Variants in DLGAP1 observed in about 807,000 individuals in gnomAD.
DLGAP1 encodes the protein disks large-associated protein 1.
In DLGAP1, 11 loss-of-function variants were observed where a neutral mutation model predicts 90.8. That is an observed-to-expected ratio of 0.12 (90% CI 0.08 to 0.20). The LOEUF (loss-of-function observed/expected upper bound fraction) is 0.20. Ranked by LOEUF, DLGAP1 falls within the 10% of genes least tolerant of loss-of-function variation. The probability of loss-of-function intolerance (pLI) is 1.00; values close to 1 mark genes in which losing one functional copy is unlikely to be tolerated. For synonymous variants in DLGAP1, 558 were observed against 540.7 expected, an observed-to-expected ratio of 1.03 and a Z score of -0.44; for missense variants, 1,050 against 1,333.8, an observed-to-expected ratio of 0.79 and a Z score of 3.31.
chr18:3,905,802 T>C (rs1051346146), intron 3 of DLGAP1, among the ~76,000 whole-genome samples: 3 of 152,276 alleles, frequency 2.0e-5, no homozygotes, highest in Admixed American at 6.5e-5. Flanking sequence ...TTTGGCACAA[T>C]GTGTTTGGGG....
At chr18:3,510,146 A>G (rs2050460074) in intron 10 of DLGAP1, among the ~76,000 whole-genome samples, 1 of 152,274 alleles carries the variant, frequency 6.6e-6, no homozygotes, top group Non-Finnish European at 1.5e-5. Context: ...TAACATCCCC[A>G]GAAAGGACAG....
rs2083919056 is a variant in DLGAP1, at chr18:4,454,416, C to CTCTCTCTCTT, written c.-267+589_-267+590insAAGAGAGAGA. On this transcript the variant is annotated intron_variant, in intron 1 of 12. Coordinates refer to ENST00000315677, the MANE Select transcript of DLGAP1 (RefSeq NM_004746.4). The surrounding 1 kb of genome is among the most constrained non-coding windows in gnomAD (Gnocchi z 4.7). Reference sequence around the variant, plus strand: ...CTCCTTGGACCCCATTTCTCTCTCTCTCTCTCTCTCTGTGCCTGTCTTTGT... The same window carrying CTCTCTCTCTT: ...CTCCTTGGACCCCATTTCTCTCTCTCTCTCTCTCTTTCTCTCTCTCTGTGCCTGTCTTTGT... Among the ~76,000 whole-genome samples, 1 of 152,202 alleles carries CTCTCTCTCTT rather than the reference C, an allele frequency of 6.6e-6. No homozygotes were observed. Among genetic ancestry groups the CTCTCTCTCTT allele is most frequent in the Non-Finnish European group, 1.5e-5 (1 of 68,042 alleles).
intron 3 of DLGAP1, among the ~76,000 whole-genome samples, chr18:3,923,647 A>C (rs1052030543): frequency 8.5e-5 from 13 of 152,128 alleles, no homozygotes; most frequent in Admixed American, 7.9e-4. Context: ...ACATCACTTT[A>C]GTTTCCATTT....
intron 9 of DLGAP1, among the ~76,000 whole-genome samples, chr18:3,537,459 G>A (rs955290971): frequency 6.6e-6 from 1 of 152,152 alleles, no homozygotes; most frequent in Admixed American, 6.6e-5. Flanking sequence ...TTTTAAGGCT[G>A]AATAGTATTC....
At position 4,072,423 on chromosome 18, in the gene DLGAP1, T is replaced by C. The variant is rs61054531; in HGVS notation, c.-158-67222A>G. Among the ~76,000 whole-genome samples the C allele has an allele frequency of 7.4e-4, 112 of 151,946 alleles. 1 individual carries two copies. Among genetic ancestry groups the C allele is most frequent in the African/African-American group, 2.6e-3 (109 of 41,452 alleles). On this transcript the variant is annotated intron_variant, in intron 2 of 12. Transcript: ENST00000315677. Reference sequence around the variant, plus strand: ...TTTTCATCAGCATCATCATTTTCATTATCATCATCATCATCATGATCAACA... The same window carrying C: ...TTTTCATCAGCATCATCATTTTCATCATCATCATCATCATCATGATCAACA...
At chr18:4,273,695 A>G (rs2079337699) in intron 1 of DLGAP1, among the ~76,000 whole-genome samples, 2 of 152,334 alleles carry the variant, frequency 1.3e-5, no homozygotes, top group African/African-American at 4.8e-5. Context: ...TCAGCCTCCC[A>G]GATAGCTGGG....
intron 2 of DLGAP1, among the ~76,000 whole-genome samples, chr18:4,042,289 C>T (rs2074986708): frequency 6.6e-6 from 1 of 152,188 alleles, no homozygotes; most frequent in African/African-American, 2.4e-5. Context: ...CTTTTTCATT[C>T]CCCATCAAAT....
At chr18:3,529,204 G>A (rs1033368765) in intron 10 of DLGAP1, among the ~76,000 whole-genome samples, 2 of 152,160 alleles carry the variant, frequency 1.3e-5, no homozygotes, top group Non-Finnish European at 2.9e-5. Context: ...GGTCACAGGG[G>A]CAGAGTCCTC....
chr18:3,846,513 A>G (rs58009841), intron 4 of DLGAP1, among the ~76,000 whole-genome samples: 41,369 of 152,086 alleles, frequency 0.27, 5,729 homozygotes, highest in South Asian at 0.35. Flanking sequence ...TCACAGCACC[A>G]TTATTCACAA....
chr18:4,050,488 A>G (rs1219861176), intron 2 of DLGAP1, among the ~76,000 whole-genome samples: 5 of 152,214 alleles, frequency 3.3e-5, no homozygotes, highest in African/African-American at 9.6e-5. Context: ...AAAAGTTAAA[A>G]TAGTTTTACC....
At chr18:3,522,705 G>T (rs2051292330) in intron 10 of DLGAP1, among the ~76,000 whole-genome samples, 1 of 151,446 alleles carries the variant, frequency 6.6e-6, no homozygotes, top group African/African-American at 2.4e-5. Context: ...ACCACTCCTG[G>T]CTATTTTTTG....
chr18:4,435,333 A>G (rs551265900), intron 1 of DLGAP1, among the ~76,000 whole-genome samples: 1 of 152,292 alleles, frequency 6.6e-6, no homozygotes, highest in South Asian at 2.1e-4. Flanking sequence ...TTCTTGCTTG[A>G]GCAACTATAA....
At chr18:4,410,685 A>T (rs2082758689) in intron 1 of DLGAP1, among the ~76,000 whole-genome samples, 2 of 149,864 alleles carry the variant, frequency 1.3e-5, no homozygotes, top group Admixed American at 1.3e-4. Flanking sequence ...ATTCCCCCCA[A>T]ATATATATAT....
In DLGAP1 at chr18:4,131,898, C is replaced by G. The variant is rs192141077; in HGVS notation, c.-159+19282G>C. Among the ~76,000 whole-genome samples the G allele has an allele frequency of 9.2e-5, 14 of 152,290 alleles. No homozygotes were observed. The East Asian group carries it at 2.7e-3, about 29-fold the overall frequency. ...ATGAATGCTTCTGGCATGAGGTACGCAGCTGGCACAGATGATTCCAAAGTT... is the reference window on the plus strand; with the variant it reads ...ATGAATGCTTCTGGCATGAGGTACGGAGCTGGCACAGATGATTCCAAAGTT... On this transcript the variant is annotated intron_variant, in intron 2 of 12. Transcript: ENST00000315677.
At chr18:4,395,968 C>T (rs557729504) in intron 1 of DLGAP1, among the ~76,000 whole-genome samples, 1 of 152,240 alleles carries the variant, frequency 6.6e-6, no homozygotes, top group Admixed American at 6.5e-5. Context: ...AGACCCAGGG[C>T]CTCCTCAACC....
intron 1 of DLGAP1, among the ~76,000 whole-genome samples, chr18:4,403,414 C>G (rs2082597464): frequency 6.6e-6 from 1 of 151,964 alleles, no homozygotes; most frequent in Non-Finnish European, 1.5e-5. Flanking sequence ...CTCGGTATTA[C>G]AATAATAATG....
chr18:4,254,843 T>C (rs2145217608), intron 1 of DLGAP1, among the ~76,000 whole-genome samples: 1 of 152,342 alleles, frequency 6.6e-6, no homozygotes, highest in Admixed American at 6.5e-5. Flanking sequence ...AGACAGGACC[T>C]GAAGTAGCTT....
At chr18:3,977,844 G>T in intron 3 of DLGAP1, 1 of 391,138 alleles carries the variant, frequency 2.6e-6, no homozygotes, top group South Asian at 2.0e-5. Context: ...TGCCCTCAAG[G>T]GTCCCCTCTG....
chr18:3,794,253 C>T (rs2065877071), intron 5 of DLGAP1, among the ~76,000 whole-genome samples: 1 of 152,152 alleles, frequency 6.6e-6, no homozygotes, highest in Non-Finnish European at 1.5e-5. Context: ...ACTGTGGCAG[C>T]ATGGAAGGTG....
Sources: allele counts gnomAD v4.1 joint callset (sites outside exome capture counted in the v4.1 genomes callset), GRCh38; gene constraint gnomAD v4.1.1; non-coding constraint Gnocchi (gnomAD v3.1); transcripts MANE v1.5; gene names NCBI Gene and HGNC (gene_info 2026-07-23, HGNC 2026-07-21).